The following CNTNAP4 variants were observed in gnomAD, a reference collection of about 807,000 sequenced individuals.
CNTNAP4 encodes the protein contactin associated protein family member 4, also known as contactin-associated protein-like 4.
Under a neutral mutation model 148.4 loss-of-function variants are expected in CNTNAP4, and 98 were observed. That is an observed-to-expected ratio of 0.66 (90% CI 0.56 to 0.78). The LOEUF (loss-of-function observed/expected upper bound fraction) is 0.78, where lower values mean the gene tolerates loss of function less well. Among genes scored for constraint, CNTNAP4 ranks in the 30% least tolerant of loss-of-function variants. The probability of loss-of-function intolerance (pLI) is 0.00; values close to 1 mark genes in which losing one functional copy is unlikely to be tolerated. For missense variants in CNTNAP4, 1,935 were observed against 1,565.6 expected, an observed-to-expected ratio of 1.24 and a Z score of -3.98; for synonymous variants, 730 against 565.1, an observed-to-expected ratio of 1.29 and a Z score of -4.14.
intron 2 of CNTNAP4, among the ~76,000 whole-genome samples, chr16:76,334,817 A>C (rs8046953): frequency 0.18 from 27,677 of 151,996 alleles, 3,087 homozygotes; most frequent in East Asian, 0.35. Flanking sequence ...ATTCAATATG[A>C]GAGCTACTTA....
rs2084294936 is a variant in CNTNAP4, at chr16:76,538,191, C to G, written c.3071C>G (p.Ser1024Cys). The change falls in exon 19 of 24, where the codon TCC (serine) becomes TGC (cysteine). Residue 1024 changes from serine (S) to cysteine (C), a missense_variant. Transcript: ENST00000611870. ...GAAAATTATCTTTTAAGTAAAAACT[C>G]CAGCTCCCACGCTGCTTCATTTCAT... Reference protein sequence around the residue: ...FQENYLLSKNSSSHAASFHGD... With the variant: ...FQENYLLSKNCSSHAASFHGD... 1 of 1,604,864 alleles carries G rather than the reference C, an allele frequency of 6.2e-7. No individual in the cohort carries two copies. Among genetic ancestry groups the G allele is most frequent in the Non-Finnish European group, 8.5e-7 (1 of 1,176,738 alleles).
chr16:76,356,543 T>A (rs12596487), intron 3 of CNTNAP4, among the ~76,000 whole-genome samples: 20,020 of 152,182 alleles, frequency 0.13, 2,021 homozygotes, highest in East Asian at 0.48. Flanking sequence ...ACCTAAAGGA[T>A]GTTTGTTTGA....
intron 2 of CNTNAP4, among the ~76,000 whole-genome samples, chr16:76,323,079 T>A (rs1962599107): frequency 6.6e-6 from 1 of 152,110 alleles, no homozygotes; most frequent in Admixed American, 6.5e-5. Context: ...ACTCCTGACC[T>A]CACGTGATCT....
chr16:76,517,600 A>AG (rs2083297022), intron 15 of CNTNAP4, among the ~76,000 whole-genome samples: 1 of 152,244 alleles, frequency 6.6e-6, no homozygotes, highest in African/African-American at 2.4e-5. Flanking sequence ...TGATTTTAAA[A>AG]GTACAATGTA....
intron 4 of CNTNAP4, among the ~76,000 whole-genome samples, chr16:76,435,442 A>T (rs1031929663): frequency 2.2e-4 from 34 of 152,024 alleles, no homozygotes; most frequent in Non-Finnish European, 4.7e-4. Context: ...GAGTGCCACC[A>T]CTTGGTTCCT....
intron 2 of CNTNAP4, among the ~76,000 whole-genome samples, chr16:76,338,644 G>C (rs1331835678): frequency 6.6e-6 from 1 of 152,066 alleles, no homozygotes; most frequent in Non-Finnish European, 1.5e-5. Context: ...CTGATGTGCT[G>C]TCTTACTCTT....
intron 8 of CNTNAP4, among the ~76,000 whole-genome samples, chr16:76,454,191 C>T (rs1007793014): frequency 2.0e-5 from 3 of 151,078 alleles, no homozygotes; most frequent in African/African-American, 7.3e-5. Flanking sequence ...CTCAGCTCAC[C>T]GCAACCTCCG....
At chr16:76,448,300 G>C (rs2080325926) in intron 5 of CNTNAP4, 85 bp downstream of exon 5, 8 of 923,290 alleles carry the variant, frequency 8.7e-6, no homozygotes, top group Non-Finnish European at 1.3e-5. Context: ...TTATCTTTTA[G>C]CAGTCAGAGT....
At chr16:76,395,747 T>A (rs562377637) in intron 3 of CNTNAP4, among the ~76,000 whole-genome samples, 2 of 148,252 alleles carry the variant, frequency 1.3e-5, no homozygotes. Flanking sequence ...TTTTTTTTTT[T>A]CGACAAGGTC....
intron 2 of CNTNAP4, among the ~76,000 whole-genome samples, chr16:76,335,498 A>G (rs1476793335): frequency 6.6e-6 from 1 of 152,100 alleles, no homozygotes; most frequent in Non-Finnish European, 1.5e-5. Flanking sequence ...TACTGAGAGG[A>G]AGGAGAGTTT....
rs980937118 is a variant in CNTNAP4, at chr16:76,516,064, G to A, written c.2366-5076G>A. ...AGGTTTTAAGCCCCGCATCCATTAG[G>A]TATTTGTCTTAATGCTGTCCCTCCC... On this transcript the variant is annotated intron_variant, in intron 15 of 23. Transcript: ENST00000611870. 7.9e-5 allele frequency among the ~76,000 whole-genome samples: 12 copies of A among 152,204 alleles called. 1 individual carries two copies. Among genetic ancestry groups the A allele is most frequent in the East Asian group, 1.9e-4 (1 of 5,160 alleles).
At chr16:76,467,890 A>G (rs1297021730) in intron 10 of CNTNAP4, among the ~76,000 whole-genome samples, 1 of 152,212 alleles carries the variant, frequency 6.6e-6, no homozygotes, top group African/African-American at 2.4e-5. Flanking sequence ...GTACCAATAA[A>G]TTTGAGACTA....
intron 2 of CNTNAP4, among the ~76,000 whole-genome samples, chr16:76,319,126 A>T (rs937559305): frequency 6.6e-6 from 1 of 152,150 alleles, no homozygotes; most frequent in African/African-American, 2.4e-5. Context: ...AAAGTGGCTC[A>T]CACCTGTAAT....
intron 4 of CNTNAP4, among the ~76,000 whole-genome samples, chr16:76,440,579 G>A (rs371169620): frequency 3.9e-4 from 60 of 152,206 alleles, no homozygotes; most frequent in African/African-American, 1.3e-3. Flanking sequence ...TATTTTCAGA[G>A]AATAGGTTTA....
At chr16:76,353,140 T>C (rs2012068581) in intron 2 of CNTNAP4, among the ~76,000 whole-genome samples, 1 of 152,112 alleles carries the variant, frequency 6.6e-6, no homozygotes, top group Non-Finnish European at 1.5e-5. Context: ...ATGTAAAAAA[T>C]TTCTGGATCC....
In CNTNAP4 at chr16:76,504,955, C is replaced by T. The variant is rs190920076; in HGVS notation, c.2365+6261C>T. 4.4e-4 allele frequency among the ~76,000 whole-genome samples: 67 copies of T among 151,844 alleles called. 1 individual carries two copies. In the East Asian group the frequency reaches 0.011, roughly 24 times the overall value. ...TAACAAATAATAATAACAAAAAAACCCCAAAATATAACAAGTGCTAGTAAG... is the reference window on the plus strand; with the variant it reads ...TAACAAATAATAATAACAAAAAAACTCCAAAATATAACAAGTGCTAGTAAG... On this transcript the variant is annotated intron_variant, in intron 15 of 23. Coordinates refer to ENST00000611870, the MANE Select transcript of CNTNAP4 (RefSeq NM_033401.5).
At chr16:76,391,129 A>T (rs2016954114) in intron 3 of CNTNAP4, among the ~76,000 whole-genome samples, 1 of 152,154 alleles carries the variant, frequency 6.6e-6, no homozygotes, top group South Asian at 2.1e-4. Flanking sequence ...TGTACACATT[A>T]ACTATCCCTA....
At chr16:76,410,457 G>A (rs2078754419) in intron 3 of CNTNAP4, among the ~76,000 whole-genome samples, 1 of 151,628 alleles carries the variant, frequency 6.6e-6, no homozygotes, top group African/African-American at 2.4e-5. Context: ...TTACTGGTTG[G>A]TTTTGTAGTT....
rs537477292 is a variant in CNTNAP4, at chr16:76,321,560, C to T, written c.196+5037C>T. 5.3e-5 allele frequency among the ~76,000 whole-genome samples: 8 copies of T among 152,078 alleles called. No homozygotes were observed. In the East Asian group the frequency reaches 7.8e-4, roughly 15 times the overall value. On this transcript the variant is annotated intron_variant, in intron 2 of 23. Transcript: ENST00000611870. ...ATCCCAGCACTTTGGGAGGCCAAAG[C>T]GGGTGGATCACGAGGTCAGGAGATC...
Sources: allele counts gnomAD v4.1 joint callset (sites outside exome capture counted in the v4.1 genomes callset), GRCh38; gene constraint gnomAD v4.1.1; transcripts MANE v1.5; gene names NCBI Gene and HGNC (gene_info 2026-07-23, HGNC 2026-07-21).